Variants in ZNF469 observed in about 807,000 individuals in gnomAD.
The protein encoded by ZNF469 is zinc finger protein 469.
ZNF469 carries 1 observed loss-of-function variant against 1.0 expected under a neutral mutation model. The ratio of observed to expected loss-of-function variants is 1.00; its 90% CI spans 0.35 to 4.73. ZNF469 has a LOEUF of 4.73. ZNF469 is among the 30% of genes most tolerant of loss of function. The pLI, the probability that ZNF469 is intolerant of heterozygous loss-of-function variation, is 0.16. For synonymous variants in ZNF469, 2,703 were observed against 2,363.4 expected, an observed-to-expected ratio of 1.14 and a Z score of -4.17; for missense variants, 6,100 against 5,356.3, an observed-to-expected ratio of 1.14 and a Z score of -4.33.
At chr16:88,115,411 C>T in the ZNF469 span, among the ~76,000 whole-genome samples, 27 of 151,886 alleles carry the variant, frequency 1.8e-4, no homozygotes, top group Admixed American at 1.7e-3. Flanking sequence ...TGGAGAAGCT[C>T]GGGGGTCACC....
chr16:88,411,043 G>A (rs1480144737), intron 1 of ZNF469, among the ~76,000 whole-genome samples: 1 of 152,190 alleles, frequency 6.6e-6, no homozygotes, highest in Non-Finnish European at 1.5e-5. Context: ...AAGGACACCT[G>A]TCTTTGGATG....
chr16:88,150,886 G>A, the ZNF469 span, among the ~76,000 whole-genome samples: 2 of 152,168 alleles, frequency 1.3e-5, no homozygotes, highest in Non-Finnish European at 2.9e-5. Context: ...TTCATCTCTC[G>A]CCACGGTGGG....
chr16:88,298,715 C>G, the ZNF469 span, among the ~76,000 whole-genome samples: 1 of 152,176 alleles, frequency 6.6e-6, no homozygotes, highest in African/African-American at 2.4e-5. Flanking sequence ...TTCCTCTCCC[C>G]ACTCCTCACT....
intron 1 of ZNF469, among the ~76,000 whole-genome samples, chr16:88,423,936 G>T: frequency 6.6e-6 from 1 of 152,266 alleles, no homozygotes; most frequent in East Asian, 1.9e-4. Context: ...TGTTCAAGTG[G>T]AGAGAATGAG....
At chr16:88,283,712 A>G in the ZNF469 span, among the ~76,000 whole-genome samples, 1 of 152,220 alleles carries the variant, frequency 6.6e-6, no homozygotes, top group Non-Finnish European at 1.5e-5. Context: ...CACTTTCCGG[A>G]TGGCCCACCA....
Position 88,437,719 on chromosome 16 carries a change from T to C in ZNF469, c.10249T>C (p.Ser3417Pro). The change falls in exon 3 of 3, where the codon TCC (serine) becomes CCC (proline). Residue 3417 changes from serine to proline, a missense_variant. Physicochemically the swap from Ser to Pro is moderately conservative, Grantham distance 74. Coordinates refer to ENST00000565624, the MANE Select transcript of ZNF469 (RefSeq NM_001367624.2). ...CATVMRIIKK[S>P]FACSSCNYTF... ...CACGGTTATGCGCATCATCAAGAAG[T>C]CCTTCGCCTGCAGCTCCTGCAACTA... The C allele has an allele frequency of 6.5e-7, 1 of 1,549,710 alleles. No homozygotes were observed. Among genetic ancestry groups the C allele is most frequent in the African/African-American group, 1.4e-5 (1 of 73,126 alleles).
At chr16:88,199,898 T>G in the ZNF469 span, among the ~76,000 whole-genome samples, 6 of 152,240 alleles carry the variant, frequency 3.9e-5, no homozygotes, top group Admixed American at 1.3e-4. Flanking sequence ...TGGTGGAGAC[T>G]CCAAAGGTGA....
At chr16:88,345,426 T>TA in the ZNF469 span, among the ~76,000 whole-genome samples, 3 of 152,204 alleles carry the variant, frequency 2.0e-5, no homozygotes, top group African/African-American at 7.2e-5. Flanking sequence ...AGGGCTTCCT[T>TA]ATGGGACGGC....
At chr16:88,258,324 G>A in the ZNF469 span, among the ~76,000 whole-genome samples, 2 of 152,224 alleles carry the variant, frequency 1.3e-5, no homozygotes, top group Non-Finnish European at 1.5e-5. Context: ...ACCACCTGCT[G>A]ACATTTGAGG....
At chr16:88,304,736 G>A in the ZNF469 span, among the ~76,000 whole-genome samples, 1 of 152,200 alleles carries the variant, frequency 6.6e-6, no homozygotes, top group Non-Finnish European at 1.5e-5. Context: ...TCTGCTCCTG[G>A]ATGTTGCAAA....
the ZNF469 span, among the ~76,000 whole-genome samples, chr16:88,324,838 T>A: frequency 6.0e-4 from 92 of 152,298 alleles, no homozygotes; most frequent in Middle Eastern, 3.4e-3. Flanking sequence ...TGTGTTAGTC[T>A]GTTCTTGCAC....
chr16:88,180,454 A>T, the ZNF469 span, among the ~76,000 whole-genome samples: 16 of 152,232 alleles, frequency 1.1e-4, no homozygotes, highest in African/African-American at 1.7e-4. Context: ...ACCAGAGATG[A>T]ATAGATACAT....
the ZNF469 span, among the ~76,000 whole-genome samples, chr16:88,298,185 C>G: frequency 1.3e-5 from 2 of 152,186 alleles, no homozygotes; most frequent in South Asian, 2.1e-4. Flanking sequence ...GGGCACCAGG[C>G]TTGGTCCCCA....
chr16:88,252,643 T>A, the ZNF469 span, among the ~76,000 whole-genome samples: 1 of 152,274 alleles, frequency 6.6e-6, no homozygotes, highest in African/African-American at 2.4e-5. Flanking sequence ...TACTTAAGTA[T>A]GTTGATATCT....
chr16:88,114,066 AC>A, the ZNF469 span, among the ~76,000 whole-genome samples: 2 of 138,964 alleles, frequency 1.4e-5, no homozygotes, highest in Middle Eastern at 3.5e-3. Context: ...CCTGTCCCCC[AC>A]CCCCAGCTTC....
the ZNF469 span, among the ~76,000 whole-genome samples, chr16:88,338,082 T>C: frequency 0.22 from 33,203 of 152,118 alleles, 4,601 homozygotes; most frequent in African/African-American, 0.39. Flanking sequence ...TTCCTAACTT[T>C]GCTTTCTCAC....
chr16:88,288,273 T>C, the ZNF469 span, among the ~76,000 whole-genome samples: 1 of 150,022 alleles, frequency 6.7e-6, no homozygotes, highest in Admixed American at 6.6e-5. Flanking sequence ...ATGCCCCCAG[T>C]AGCTTTGTGA....
At chr16:88,232,573 T>C in the ZNF469 span, among the ~76,000 whole-genome samples, 3 of 152,232 alleles carry the variant, frequency 2.0e-5, no homozygotes, top group Non-Finnish European at 2.9e-5. Context: ...AACGCTGTCC[T>C]TGTTTTGAGA....
the ZNF469 span, among the ~76,000 whole-genome samples, chr16:88,372,518 C>T: frequency 4.0e-5 from 6 of 151,442 alleles, no homozygotes; most frequent in Non-Finnish European, 8.8e-5. Flanking sequence ...ATCACCATCA[C>T]CATCATCACT....
Sources: gnomAD v4.1 joint callset for allele counts (sites outside exome capture counted in the v4.1 genomes callset) on GRCh38, gnomAD v4.1.1 for gene constraint, MANE v1.5 for transcripts, NCBI Gene and HGNC (gene_info 2026-07-23, HGNC 2026-07-21) for gene names.